FILIP1L: variants seen among roughly 807,000 people sequenced by gnomAD.
FILIP1L encodes the protein filamin A-interacting protein 1-like.
Under a neutral mutation model 96.6 loss-of-function variants are expected in FILIP1L, and 55 were observed. The ratio of observed to expected loss-of-function variants is 0.57; its 90% CI spans 0.46 to 0.71. FILIP1L has a LOEUF of 0.71. Among genes scored for constraint, FILIP1L ranks in the 30% least tolerant of loss-of-function variants. The pLI, the probability that FILIP1L is intolerant of heterozygous loss-of-function variation, is 0.00. For synonymous variants in FILIP1L, 467 were observed against 473.9 expected (o/e 0.99, Z 0.19); for missense variants, 1,304 against 1,321.2 (o/e 0.99, Z 0.20).
At chr3:99,991,962 G>GTA (rs896781734) in intron 1 of FILIP1L, among the ~76,000 whole-genome samples, 2 of 147,084 alleles carry the variant, frequency 1.4e-5, no homozygotes, top group African/African-American at 5.0e-5. Context: ...ATATATGTGT[G>GTA]TATATATACA....
intron 1 of FILIP1L, among the ~76,000 whole-genome samples, chr3:99,932,287 A>G (rs1435202953): frequency 6.6e-6 from 1 of 152,154 alleles, no homozygotes; most frequent in Admixed American, 6.5e-5. Context: ...TTGCTGAACA[A>G]TGTATAGTAT....
At chr3:100,003,380 G>T (rs532292429) in intron 1 of FILIP1L, among the ~76,000 whole-genome samples, 1 of 152,170 alleles carries the variant, frequency 6.6e-6, no homozygotes. Context: ...CCCTTACGTG[G>T]TTGTTTTGTC....
At chr3:99,979,124 A>G (rs1373402160) in intron 1 of FILIP1L, among the ~76,000 whole-genome samples, 1 of 152,194 alleles carries the variant, frequency 6.6e-6, no homozygotes, top group African/African-American at 2.4e-5. Flanking sequence ...GAAATGATAA[A>G]TGTTTGAGGT....
chr3:99,900,112 G>A (rs1266918539), intron 4 of FILIP1L, among the ~76,000 whole-genome samples: 1 of 152,044 alleles, frequency 6.6e-6, no homozygotes, highest in Non-Finnish European at 1.5e-5. Flanking sequence ...CACATAGCAG[G>A]TATTCAGTAA....
At chr3:99,958,337 C>G (rs1708398190) in intron 1 of FILIP1L, among the ~76,000 whole-genome samples, 1 of 151,546 alleles carries the variant, frequency 6.6e-6, no homozygotes, top group South Asian at 2.1e-4. Context: ...CTATTTTTAA[C>G]TGCCACGGCT....
At chr3:100,086,434 G>A (rs1374586162) in intron 1 of FILIP1L, among the ~76,000 whole-genome samples, 1 of 152,092 alleles carries the variant, frequency 6.6e-6, no homozygotes, top group Admixed American at 6.5e-5. Flanking sequence ...AAAAAATCCA[G>A]GTTCTACTCT....
chr3:99,848,880 A>G lies in FILIP1L; in HGVS notation c.2796T>C (p.Ser932=), dbSNP rs745635964. The change falls in exon 5 of 6, where the codon AGT becomes AGC. Residue 932 remains serine (S), a synonymous_variant. Coordinates refer to ENST00000477258, the MANE Select transcript of FILIP1L (RefSeq NM_001387850.1). ...TGCCACAGTTCGGTATCACTGCAGT[A>G]CTCGTGTAAGAGTGAGGACTCTCTG... ...PTTESPHSYT[S]TAVIPNCGTP... 56 of 1,613,636 alleles carry G rather than the reference A, an allele frequency of 3.5e-5. No homozygotes were observed. The highest frequency in any genetic ancestry group is 1.7e-5 in the Admixed American group (1 of 59,976).
chr3:99,959,475 A>G (rs1708431253), intron 1 of FILIP1L, among the ~76,000 whole-genome samples: 1 of 152,048 alleles, frequency 6.6e-6, no homozygotes, highest in African/African-American at 2.4e-5. Context: ...TAAATATTTT[A>G]TTTTCTATAT....
In FILIP1L at chr3:100,002,380, A is replaced by C. The variant is rs149284093; in HGVS notation, c.-10-71350T>G. On this transcript the variant is annotated intron_variant, in intron 1 of 5. Coordinates refer to ENST00000477258, the MANE Select transcript of FILIP1L (RefSeq NM_001387850.1). ...TATCCCCTGATACACATTTGCTTTC[A>C]AGCTTCTGTGGCTTAGACTGGAGTA... Among the ~76,000 whole-genome samples the C allele has an allele frequency of 8.7e-3, 1,318 of 152,296 alleles. 8 individuals carry two copies. The highest frequency in any genetic ancestry group is 0.02 in the Middle Eastern group (6 of 294).
intron 4 of FILIP1L, among the ~76,000 whole-genome samples, chr3:99,859,861 A>T (rs892943009): frequency 2.0e-5 from 3 of 152,154 alleles, no homozygotes; most frequent in African/African-American, 7.2e-5. Context: ...AAATTTTAAG[A>T]GCACTCATAA....
At chr3:99,938,050 AG>A (rs1380174813) in intron 1 of FILIP1L, among the ~76,000 whole-genome samples, 1 of 148,902 alleles carries the variant, frequency 6.7e-6, no homozygotes, top group Non-Finnish European at 1.5e-5. Flanking sequence ...AGGCTCAGGA[AG>A]TGTGTGTGTG....
intron 4 of FILIP1L, among the ~76,000 whole-genome samples, chr3:99,897,020 AT>A (rs1004561181): frequency 2.0e-5 from 3 of 151,744 alleles, no homozygotes; most frequent in East Asian, 1.9e-4. Flanking sequence ...CTCAGAACAA[AT>A]TTTTTTTTCT....
intron 1 of FILIP1L, among the ~76,000 whole-genome samples, chr3:100,027,315 G>C (rs552361282): frequency 6.6e-6 from 1 of 152,230 alleles, no homozygotes; most frequent in South Asian, 2.1e-4. Flanking sequence ...CTGGAAATGA[G>C]CCTCACACAT....
At chr3:100,107,736 T>C (rs1031757857) in intron 1 of FILIP1L, among the ~76,000 whole-genome samples, 1 of 152,228 alleles carries the variant, frequency 6.6e-6, no homozygotes, top group East Asian at 1.9e-4. Context: ...TCATTTCCCA[T>C]TATGGAATAA....
intron 4 of FILIP1L, among the ~76,000 whole-genome samples, chr3:99,912,013 G>GT (rs1706805014): frequency 6.6e-6 from 1 of 151,688 alleles, no homozygotes; most frequent in Non-Finnish European, 1.5e-5. Context: ...AACATTAAAA[G>GT]TTTTAATTTT....
At chr3:99,836,628 C>G (rs774361802) in intron 5 of FILIP1L, among the ~76,000 whole-genome samples, 7 of 152,128 alleles carry the variant, frequency 4.6e-5, no homozygotes, top group Non-Finnish European at 8.8e-5. Flanking sequence ...TTTGTGGGAC[C>G]CTACCATGTG....
chr3:99,895,984 C>A (rs1334580929), intron 4 of FILIP1L, among the ~76,000 whole-genome samples: 1 of 152,132 alleles, frequency 6.6e-6, no homozygotes, highest in African/African-American at 2.4e-5. Flanking sequence ...ATGTGGCTCA[C>A]TGGAGGAGGG....
At chr3:100,019,588 A>G (rs1403254468) in intron 1 of FILIP1L, among the ~76,000 whole-genome samples, 2 of 152,222 alleles carry the variant, frequency 1.3e-5, no homozygotes, top group African/African-American at 4.8e-5. Flanking sequence ...ATTTAAAGAC[A>G]GTAGTAGATA....
chr3:100,014,280 A>G (rs1559725581), intron 1 of FILIP1L, among the ~76,000 whole-genome samples: 2 of 151,986 alleles, frequency 1.3e-5, no homozygotes, highest in African/African-American at 4.8e-5. Context: ...CTTGACTGTT[A>G]TGAATAATGC....
Sources: allele counts gnomAD v4.1 joint callset (sites outside exome capture counted in the v4.1 genomes callset), GRCh38; gene constraint gnomAD v4.1.1; transcripts MANE v1.5; gene names NCBI Gene and HGNC (gene_info 2026-07-23, HGNC 2026-07-21).